IFT43: variants seen among roughly 807,000 people sequenced by gnomAD.
IFT43 encodes the protein intraflagellar transport protein 43 homolog.
IFT43 carries 33 observed loss-of-function variants against 32.3 expected under a neutral mutation model. That is an observed-to-expected ratio of 1.02 (90% CI 0.77 to 1.37). The LOEUF (loss-of-function observed/expected upper bound fraction) is 1.37. Ranked by LOEUF, IFT43 falls within the 40% of genes most tolerant of loss-of-function variation. The pLI is 0.00. For missense variants in IFT43, 274 were observed against 265.9 expected (o/e 1.03, Z -0.21); for synonymous variants, 93 against 98.2 (o/e 0.95, Z 0.31).
intron 5 of IFT43, among the ~76,000 whole-genome samples, chr14:76,073,532 C>A (rs1028959445): frequency 6.6e-6 from 1 of 152,144 alleles, no homozygotes; most frequent in Admixed American, 6.5e-5. Flanking sequence ...GTTTTCCTTT[C>A]GTGCTTTAGG....
At chr14:76,058,505 C>T (rs1364040723) in intron 3 of IFT43, 137 bp from the exon 4 acceptor site, 5 of 955,534 alleles carry the variant, frequency 5.2e-6, no homozygotes, top group Non-Finnish European at 8.0e-6. Context: ...GGGCTTGTCT[C>T]TAAAGAGGAC....
chr14:76,055,343 C>T (rs1157154171), intron 3 of IFT43, among the ~76,000 whole-genome samples: 1 of 148,174 alleles, frequency 6.7e-6, no homozygotes, highest in Non-Finnish European at 1.5e-5. Context: ...GAGACCCTGT[C>T]TCTAAAAAAA....
chr14:76,001,450 G>A (rs1344903200), intron 2 of IFT43, among the ~76,000 whole-genome samples: 1 of 152,160 alleles, frequency 6.6e-6, no homozygotes, highest in Non-Finnish European at 1.5e-5. Context: ...ACTTCCAGGG[G>A]CCCATGCAGG....
chr14:76,076,749 A>G (rs929713226), intron 5 of IFT43: 12 of 1,596,158 alleles, frequency 7.5e-6, no homozygotes, highest in African/African-American at 1.3e-5. Flanking sequence ...GGACTTTGCT[A>G]GGTAATTAGC....
chr14:76,072,384 G>A (rs1251050319), intron 5 of IFT43, among the ~76,000 whole-genome samples: 3 of 152,136 alleles, frequency 2.0e-5, no homozygotes. Context: ...CTCTTGCATT[G>A]GCAGGGCTAG....
At chr14:76,079,932 T>TG (rs934238019) in intron 5 of IFT43, among the ~76,000 whole-genome samples, 1 of 142,950 alleles carries the variant, frequency 7.0e-6, no homozygotes, top group Non-Finnish European at 1.5e-5. Context: ...TACGTGAGAG[T>TG]GGGGGAGTGG....
chr14:76,041,750 G>T (rs2140009396), intron 3 of IFT43, among the ~76,000 whole-genome samples: 1 of 151,772 alleles, frequency 6.6e-6, no homozygotes, highest in East Asian at 1.9e-4. Flanking sequence ...AAAAGTCTGT[G>T]TTTTTTTTTT....
chr14:75,996,042 C>A (rs1418862307), intron 2 of IFT43, among the ~76,000 whole-genome samples: 1 of 152,210 alleles, frequency 6.6e-6, no homozygotes, highest in Non-Finnish European at 1.5e-5. Context: ...CTGGCTTTGT[C>A]AAATGCTCTT....
At chr14:76,050,632 G>A (rs2036896146) in intron 3 of IFT43, among the ~76,000 whole-genome samples, 1 of 151,966 alleles carries the variant, frequency 6.6e-6, no homozygotes, top group Non-Finnish European at 1.5e-5. Context: ...GGTGGTGAGA[G>A]TCTTTTTGGC....
At chr14:76,018,632 G>C (rs1047511020) in intron 2 of IFT43, among the ~76,000 whole-genome samples, 1 of 152,076 alleles carries the variant, frequency 6.6e-6, no homozygotes, top group Non-Finnish European at 1.5e-5. Flanking sequence ...GATCTCTCCA[G>C]TGCTGACAGT....
intron 5 of IFT43, among the ~76,000 whole-genome samples, chr14:76,080,432 G>A (rs2037488814): frequency 6.6e-6 from 1 of 152,226 alleles, no homozygotes; most frequent in Admixed American, 6.5e-5. Context: ...TCGGGCAGAA[G>A]TGCAATTCCT....
chr14:76,022,182 C>T lies in IFT43; in HGVS notation c.148-145C>T, dbSNP rs140392402. 6.9e-4 allele frequency: 441 copies of T among 642,604 alleles called. 4 individuals carry two copies. The African/African-American group carries it at 7.1e-3, about 10-fold the overall frequency. The allele number at this position is 642,604 out of a possible 1,614,324, so 39.8% of individuals were successfully genotyped here. ...AGGAGAATCGCTTGAACCCAGGAGGCGGAGGTTCCAGTGAGCTGAGGTCGC... is the reference window on the plus strand; with the variant it reads ...AGGAGAATCGCTTGAACCCAGGAGGTGGAGGTTCCAGTGAGCTGAGGTCGC... On this transcript the variant is annotated intron_variant, in intron 2 of 8. Transcript: ENST00000314067.
chr14:76,014,066 A>G (rs2036136425), intron 2 of IFT43: 1 of 274,200 alleles, frequency 3.6e-6, no homozygotes, highest in Non-Finnish European at 7.6e-6. Context: ...GCTGAAGAGT[A>G]CTCTAAGGAC....
chr14:76,022,847 A>G (rs1165788345), intron 3 of IFT43, among the ~76,000 whole-genome samples: 2 of 152,250 alleles, frequency 1.3e-5, no homozygotes, highest in Non-Finnish European at 2.9e-5. Context: ...TTTCCAAAAC[A>G]TAATGGAATT....
chr14:76,055,944 C>T (rs1012298620), intron 3 of IFT43, among the ~76,000 whole-genome samples: 4 of 152,100 alleles, frequency 2.6e-5, no homozygotes, highest in African/African-American at 4.8e-5. Context: ...GGGAGCAATG[C>T]GGGGTCGGGG....
At position 76,004,608 on chromosome 14, in the gene IFT43, A is replaced by G. The variant is rs150504288; in HGVS notation, c.147+15631A>G. ...AAGTCTTAGGCGATTACTTCTTCAA[A>G]TATCTATTCTGCCCTATTTTCTTTC... is the stretch of plus-strand genomic sequence containing the variant. On this transcript the variant is annotated intron_variant, in intron 2 of 8. Coordinates refer to ENST00000314067, the MANE Select transcript of IFT43 (RefSeq NM_001102564.3). Among the ~76,000 whole-genome samples the G allele has an allele frequency of 4.7e-3, 714 of 152,262 alleles. 19 individuals are homozygous for G. The highest frequency in any genetic ancestry group is 1.0e-3 in the Non-Finnish European group (68 of 68,026).
chr14:76,081,184 A>G (rs1251879642), intron 5 of IFT43, among the ~76,000 whole-genome samples: 1 of 152,228 alleles, frequency 6.6e-6, no homozygotes. Context: ...GAAATCACGA[A>G]TTGCCTGAAA....
At chr14:76,009,765 A>T (rs1349596280) in intron 2 of IFT43, among the ~76,000 whole-genome samples, 1 of 151,998 alleles carries the variant, frequency 6.6e-6, no homozygotes, top group African/African-American at 2.4e-5. Context: ...AAGGACTAGA[A>T]GCCAGAAGCC....
At chr14:76,034,263 G>T (rs1320235840) in intron 3 of IFT43, among the ~76,000 whole-genome samples, 7 of 152,250 alleles carry the variant, frequency 4.6e-5, no homozygotes, top group South Asian at 2.1e-4. Flanking sequence ...TCTTGGTGAG[G>T]ACCATTTTCC....
Sources: gnomAD v4.1 joint callset for allele counts (sites outside exome capture counted in the v4.1 genomes callset) on GRCh38, gnomAD v4.1.1 for gene constraint, MANE v1.5 for transcripts, NCBI Gene and HGNC (gene_info 2026-07-23, HGNC 2026-07-21) for gene names.